Variants in DPYSL3 observed in about 807,000 individuals in gnomAD.
The protein encoded by DPYSL3 is dihydropyrimidinase like 3, also known as dihydropyrimidinase-related protein 3.
In DPYSL3, 16 loss-of-function variants were observed where a neutral mutation model predicts 66.1. The observed-to-expected ratio is 0.24, with a 90% CI of 0.16 to 0.37. DPYSL3 has a LOEUF of 0.37. DPYSL3 is among the 10% of genes least tolerant of loss of function. The pLI is 1.00. For missense variants in DPYSL3, 738 were observed against 916.2 expected (o/e 0.81, Z 2.51); for synonymous variants, 338 against 345.1 (o/e 0.98, Z 0.23).
intron 1 of DPYSL3, among the ~76,000 whole-genome samples, chr5:147,497,568 C>T (rs1753538498): frequency 6.6e-6 from 1 of 152,058 alleles, no homozygotes; most frequent in South Asian, 2.1e-4. Context: ...TTTATCTAGG[C>T]AAGGTTGCTT....
In DPYSL3 at chr5:147,489,014, T is replaced by TAA. The variant is rs566621274; in HGVS notation, c.381+20462_381+20463dup. Reference sequence around the variant, plus strand: ...TGGGCAACAAGAGTGAGACTTCATCTAAAAAAAAAAAAAGAAAAAGAAAAG... The same window carrying TAA: ...TGGGCAACAAGAGTGAGACTTCATCTAAAAAAAAAAAAAAAGAAAAAGAAAAG... On this transcript the variant is annotated intron_variant, in intron 1 of 13. Coordinates refer to ENST00000343218, the MANE Select transcript of DPYSL3 (RefSeq NM_001197294.2). 2.2e-5 allele frequency among the ~76,000 whole-genome samples: 3 copies of TAA among 137,676 alleles called. No individual in the cohort carries two copies. The East Asian group carries it at 6.2e-4, about 29-fold the overall frequency. The allele number at this position is 137,676 out of a possible 152,430, so 90.3% of individuals were successfully genotyped here.
At chr5:147,493,912 G>A (rs1753457826) in intron 1 of DPYSL3, among the ~76,000 whole-genome samples, 2 of 152,176 alleles carry the variant, frequency 1.3e-5, no homozygotes, top group African/African-American at 4.8e-5. Context: ...AATATAACTG[G>A]CCAGGCGCAG....
chr5:147,417,599 G>A (rs1378782899), intron 3 of DPYSL3, among the ~76,000 whole-genome samples: 1 of 152,138 alleles, frequency 6.6e-6, no homozygotes, highest in Non-Finnish European at 1.5e-5. Flanking sequence ...AGTGCTCTCT[G>A]CCTGACCAAG....
chr5:147,499,434 T>C (rs1048182770), intron 1 of DPYSL3, among the ~76,000 whole-genome samples: 1 of 152,084 alleles, frequency 6.6e-6, no homozygotes, highest in African/African-American at 2.4e-5. Flanking sequence ...GGTATAAATC[T>C]AGAAAACCCT....
intron 4 of DPYSL3, 90 bp from the exon 5 acceptor site, chr5:147,413,747 G>T: frequency 1.0e-6 from 1 of 997,964 alleles, no homozygotes; most frequent in Non-Finnish European, 1.6e-6. Context: ...ATCGACCATA[G>T]CACCCAGCTG....
rs758203718 is a variant in DPYSL3 at position 147,509,407 on chromosome 5, C to T, written c.381+71G>A. On this transcript the variant is annotated intron_variant, in intron 1 of 13. Transcript: ENST00000343218. This position sits in a 1 kb window ranked among gnomAD's most constrained non-coding sequence, Gnocchi z 5.3. ...GCAAAGTGAGCTGGAGAAAGTTGTG[C>T]CCGGGCCATGGCGGCCAGGGCTGGA... The T allele has an allele frequency of 3.8e-5, 55 of 1,443,460 alleles. No homozygotes were observed. The highest frequency in any genetic ancestry group is 4.8e-5 in the Non-Finnish European group (53 of 1,102,232). 89.4% of individuals were successfully genotyped at this position (1,443,460 alleles called of 1,614,324 possible). A position where few individuals can be genotyped will look rare whatever the true frequency, so the allele number is the denominator to read the frequency against.
intron 1 of DPYSL3, among the ~76,000 whole-genome samples, chr5:147,499,924 G>A (rs1278594628): frequency 3.3e-5 from 5 of 152,028 alleles, no homozygotes; most frequent in African/African-American, 1.2e-4. Flanking sequence ...AAGGAGCAAA[G>A]GTAATACAAT....
At chr5:147,498,258 G>T (rs913920527) in intron 1 of DPYSL3, among the ~76,000 whole-genome samples, 4 of 149,898 alleles carry the variant, frequency 2.7e-5, no homozygotes, top group Non-Finnish European at 5.9e-5. Flanking sequence ...TTCTCCAAAG[G>T]ACATGATCTC....
chr5:147,409,283 G>A (rs1243656840), intron 6 of DPYSL3, among the ~76,000 whole-genome samples: 1 of 152,124 alleles, frequency 6.6e-6, no homozygotes, highest in Non-Finnish European at 1.5e-5. Flanking sequence ...CCGAAGTGTG[G>A]GCCACTCATC....
At chr5:147,412,911 G>A (rs2152020853) in intron 5 of DPYSL3, among the ~76,000 whole-genome samples, 1 of 152,272 alleles carries the variant, frequency 6.6e-6, no homozygotes, top group African/African-American at 2.4e-5. Flanking sequence ...TCCCTAGGCT[G>A]GCAGAGCAAA....
intron 1 of DPYSL3, among the ~76,000 whole-genome samples, chr5:147,458,302 C>T (rs1229164898): frequency 6.6e-6 from 1 of 152,160 alleles, no homozygotes; most frequent in African/African-American, 2.4e-5. Flanking sequence ...ACAAGAGTGA[C>T]CTTTGGTCGT....
rs1445597630 is a variant in DPYSL3 at position 147,423,696 on chromosome 5, GTTTT to G, written c.470+1175_470+1178del. ...CTATGATTGATGAAAGCACAAGCTG[GTTTT>G]GTTTGTTTGTTTGTTTGTTTGTTTG... On this transcript the variant is annotated intron_variant, in intron 2 of 13. Coordinates refer to ENST00000343218, the MANE Select transcript of DPYSL3 (RefSeq NM_001197294.2). Among the ~76,000 whole-genome samples the G allele has an allele frequency of 5.3e-5, 4 of 75,166 alleles. No homozygotes were observed. In the East Asian group the frequency reaches 2.7e-3, roughly 51 times the overall value. 49.3% of individuals were successfully genotyped at this position (75,166 alleles called of 152,430 possible).
At chr5:147,457,915 T>G (rs1041415531) in intron 1 of DPYSL3, among the ~76,000 whole-genome samples, 1 of 152,210 alleles carries the variant, frequency 6.6e-6, no homozygotes, top group Non-Finnish European at 1.5e-5. Context: ...CGGGAAGGAC[T>G]TCATGGAATT....
chr5:147,489,493 G>A (rs1050719978), intron 1 of DPYSL3, among the ~76,000 whole-genome samples: 8 of 152,150 alleles, frequency 5.3e-5, no homozygotes, highest in African/African-American at 1.9e-4. Flanking sequence ...GGATTATGTG[G>A]ATATTAATGC....
chr5:147,452,773 A>G (rs1240883628), intron 1 of DPYSL3, among the ~76,000 whole-genome samples: 1 of 152,090 alleles, frequency 6.6e-6, no homozygotes, highest in African/African-American at 2.4e-5. Context: ...TGAACACTGC[A>G]TGCATACAGC....
intron 3 of DPYSL3, among the ~76,000 whole-genome samples, chr5:147,416,485 A>G (rs1254849979): frequency 6.6e-6 from 1 of 152,200 alleles, no homozygotes; most frequent in African/African-American, 2.4e-5. Context: ...TTGAGGCCCA[A>G]ATCTACTCTT....
intron 2 of DPYSL3, among the ~76,000 whole-genome samples, chr5:147,419,479 T>A (rs1266403379): frequency 6.6e-6 from 1 of 152,218 alleles, no homozygotes; most frequent in Non-Finnish European, 1.5e-5. Flanking sequence ...TGCTTATAGA[T>A]CAGCCAGTAT....
chr5:147,424,614 C>A (rs941850740), intron 2 of DPYSL3, among the ~76,000 whole-genome samples: 1 of 152,176 alleles, frequency 6.6e-6, no homozygotes, highest in African/African-American at 2.4e-5. Flanking sequence ...ACCTATTGCA[C>A]AAAGCCTTAT....
intron 1 of DPYSL3, among the ~76,000 whole-genome samples, chr5:147,466,886 C>T (rs1189474431): frequency 1.3e-5 from 2 of 152,130 alleles, no homozygotes; most frequent in African/African-American, 4.8e-5. Context: ...GAGACACATG[C>T]CTGAGAGTCT....
Sources: allele counts gnomAD v4.1 joint callset (sites outside exome capture counted in the v4.1 genomes callset), GRCh38; gene constraint gnomAD v4.1.1; non-coding constraint Gnocchi (gnomAD v3.1); transcripts MANE v1.5; gene names NCBI Gene and HGNC (gene_info 2026-07-23, HGNC 2026-07-21).